FAM178B: variants seen among roughly 807,000 people sequenced by gnomAD.
FAM178B encodes the protein family with sequence similarity 178 member B.
FAM178B carries 82 observed loss-of-function variants against 91.7 expected under a neutral mutation model. The observed-to-expected ratio is 0.89, with a 90% CI of 0.75 to 1.07. The LOEUF (loss-of-function observed/expected upper bound fraction) is 1.07. FAM178B is among the 50% of genes least tolerant of loss of function. The pLI, the probability that FAM178B is intolerant of heterozygous loss-of-function variation, is 0.00. For synonymous variants in FAM178B, 368 were observed against 359.4 expected, an observed-to-expected ratio of 1.02 and a Z score of -0.27; for missense variants, 769 against 846.7, an observed-to-expected ratio of 0.91 and a Z score of 1.14.
At chr2:96,926,073 G>A (rs1161685233) in intron 9 of FAM178B, among the ~76,000 whole-genome samples, 2 of 152,196 alleles carry the variant, frequency 1.3e-5, no homozygotes, top group Admixed American at 6.5e-5. Context: ...GGAGGCTGAG[G>A]TGAGTGGATC....
intron 5 of FAM178B, among the ~76,000 whole-genome samples, chr2:96,965,303 T>C (rs1166453721): frequency 6.6e-6 from 1 of 152,048 alleles, no homozygotes; most frequent in Non-Finnish European, 1.5e-5. Context: ...GCCACCATGC[T>C]CTGCCCTGGT....
At chr2:96,937,672 G>A (rs1035719666) in intron 8 of FAM178B, among the ~76,000 whole-genome samples, 2 of 152,200 alleles carry the variant, frequency 1.3e-5, no homozygotes, top group Non-Finnish European at 1.5e-5. Flanking sequence ...TGCCAGGGCC[G>A]GAGGCTCAGT....
At chr2:96,940,473 G>A (rs1398725484) in intron 8 of FAM178B, among the ~76,000 whole-genome samples, 1 of 152,220 alleles carries the variant, frequency 6.6e-6, no homozygotes, top group Non-Finnish European at 1.5e-5. Context: ...AGAACAGAGA[G>A]TGTCAACCTG....
intron 9 of FAM178B, 39 bp from the exon 10 acceptor site, chr2:96,923,622 G>C: frequency 6.6e-7 from 1 of 1,506,344 alleles, no homozygotes; most frequent in East Asian, 2.5e-5. Flanking sequence ...GGAAACCCAG[G>C]AGGGGGCACA....
At chr2:96,942,736 C>T (rs1404098549) in intron 8 of FAM178B, among the ~76,000 whole-genome samples, 3 of 152,140 alleles carry the variant, frequency 2.0e-5, no homozygotes, top group Non-Finnish European at 4.4e-5. Flanking sequence ...TCATACTTCC[C>T]AACTTTAAAA....
chr2:96,939,323 T>C (rs1236329826), intron 8 of FAM178B: 1 of 150,954 alleles, frequency 6.6e-6, no homozygotes, highest in Non-Finnish European at 1.5e-5. Context: ...AGTGAAACAC[T>C]GTGTCTACCA....
chr2:96,913,483 C>T (rs1240104410), intron 12 of FAM178B, among the ~76,000 whole-genome samples: 1 of 152,094 alleles, frequency 6.6e-6, no homozygotes, highest in African/African-American at 2.4e-5. Flanking sequence ...AAAGGTGGGG[C>T]CCTCTGGCCC....
chr2:96,936,444 G>T (rs1244270019), intron 8 of FAM178B, among the ~76,000 whole-genome samples: 8 of 149,646 alleles, frequency 5.3e-5, no homozygotes, highest in Admixed American at 3.3e-4. Context: ...CTTGTGATCT[G>T]CCCGCCTTGG....
intron 13 of FAM178B, among the ~76,000 whole-genome samples, chr2:96,901,661 G>T (rs1185965309): frequency 6.6e-6 from 1 of 152,120 alleles, no homozygotes; most frequent in African/African-American, 2.4e-5. Context: ...ACTGTTGGGG[G>T]GTTGTGTTTA....
At chr2:96,901,054 C>G (rs2080917932) in intron 13 of FAM178B, among the ~76,000 whole-genome samples, 2 of 152,174 alleles carry the variant, frequency 1.3e-5, no homozygotes, top group South Asian at 2.1e-4. Context: ...TTCCATCCAT[C>G]CTTGGGCTGC....
At chr2:96,971,339 C>CTCTG (rs546996672) in intron 3 of FAM178B, among the ~76,000 whole-genome samples, 9 of 148,248 alleles carry the variant, frequency 6.1e-5, no homozygotes, top group Non-Finnish European at 1.0e-4. Flanking sequence ...TCCCTTGTGT[C>CTCTG]TCTGTCTGTC....
rs181054214 is a variant in FAM178B at position 96,977,117 on chromosome 2, C to G, written c.74-4511G>C. ...CGCTGAAGCAGGAGAATTGCTTGAA[C>G]CCGGGAGGCAGAGGTTGCAGTGAGC... On this transcript the variant is annotated intron_variant, in intron 1 of 16. Coordinates refer to ENST00000490605, the MANE Select transcript of FAM178B (RefSeq NM_001122646.3). Among the ~76,000 whole-genome samples, 234 of 148,532 alleles carry G rather than the reference C, an allele frequency of 1.6e-3. 3 individuals carry two copies. In the East Asian group the frequency reaches 0.019, roughly 12 times the overall value.
In FAM178B at chr2:96,986,453, TCCCTAGATCCAGGGCCG is replaced by T; in HGVS notation, c.-157_-141del. On this transcript the variant is annotated 5_prime_UTR_variant, in exon 1 of 17. Transcript: ENST00000490605. ...CAGTGGGAGGACCCCAAGAGTTGCG[TCCCTAGATCCAGGGCCG>T]CCAACGTGGAACCTAAAGATCCAGT... 9.9e-7 allele frequency: 1 copy of T among 1,010,696 alleles called. No homozygotes were observed. The highest frequency in any genetic ancestry group is 1.4e-6 in the Non-Finnish European group (1 of 715,834). 62.6% of individuals were successfully genotyped at this position (1,010,696 alleles called of 1,614,324 possible).
chr2:96,937,241 C>T (rs1574275356), intron 8 of FAM178B, among the ~76,000 whole-genome samples: 1 of 126,862 alleles, frequency 7.9e-6, no homozygotes, highest in East Asian at 2.1e-4. Context: ...AAAATTACTG[C>T]CACCTGTGCC....
chr2:96,923,689 G>A, intron 9 of FAM178B, 106 bp from the exon 10 acceptor site: 7 of 779,964 alleles, frequency 9.0e-6, no homozygotes, highest in Non-Finnish European at 1.5e-5. Flanking sequence ...CTCATCCGCT[G>A]GACACAGCAA....
At chr2:96,920,549 G>A (rs1357478497) in intron 12 of FAM178B, among the ~76,000 whole-genome samples, 2 of 151,994 alleles carry the variant, frequency 1.3e-5, no homozygotes, top group East Asian at 1.9e-4. Flanking sequence ...GCAGCGAGCC[G>A]AGATCGCACC....
intron 14 of FAM178B, among the ~76,000 whole-genome samples, chr2:96,892,594 C>T (rs1252660523): frequency 6.6e-6 from 1 of 152,178 alleles, no homozygotes; most frequent in Non-Finnish European, 1.5e-5. Context: ...GAAAGAATGT[C>T]TTCTGCCACC....
chr2:96,976,974 C>G (rs946825217), intron 1 of FAM178B, among the ~76,000 whole-genome samples: 1 of 152,190 alleles, frequency 6.6e-6, no homozygotes, highest in Admixed American at 6.5e-5. Flanking sequence ...GTGAGTGGAT[C>G]ACCTGAGGTC....
intron 12 of FAM178B, among the ~76,000 whole-genome samples, chr2:96,903,950 C>G (rs1287099472): frequency 1.3e-5 from 2 of 152,164 alleles, no homozygotes; most frequent in Non-Finnish European, 2.9e-5. Context: ...TTTCAAAAAG[C>G]AGAACAAGCA....
Sources: gnomAD v4.1 joint callset for allele counts (sites outside exome capture counted in the v4.1 genomes callset) on GRCh38, gnomAD v4.1.1 for gene constraint, MANE v1.5 for transcripts, NCBI Gene and HGNC (gene_info 2026-07-23, HGNC 2026-07-21) for gene names.